The following TRAFD1 variants were observed in gnomAD, a reference collection of about 807,000 sequenced individuals.
The protein encoded by TRAFD1 is TRAF-type zinc finger domain-containing protein 1.
In TRAFD1, 38 loss-of-function variants were observed where a neutral mutation model predicts 65.3. The observed-to-expected ratio is 0.58, with a 90% CI of 0.45 to 0.76. The LOEUF (loss-of-function observed/expected upper bound fraction) is 0.76, where lower values mean the gene tolerates loss of function less well. Among genes scored for constraint, TRAFD1 ranks in the 30% least tolerant of loss-of-function variants. TRAFD1 has a pLI of 0.00. For synonymous variants in TRAFD1, 223 were observed against 257.2 expected (o/e 0.87, Z 1.27); for missense variants, 631 against 712.6 (o/e 0.89, Z 1.30).
rs1417966741 is a variant in TRAFD1, at chr12:112,140,832, C to G, written c.251C>G (p.Pro84Arg). ...TCTGTTTTGTAGGAGACTGAGTGCC[C>G]TTTGCGGCTTGCTGTCTGCCAGCAC... ...LLKKHEETEC[P>R]LRLAVCQHCD... The change falls in exon 5 of 12, where the codon CCT becomes CGT. Residue 84 changes from proline (P) to arginine (R), a missense_variant. Physicochemically the swap from Pro to Arg is moderately radical, Grantham distance 103. Transcript: ENST00000412615. 4.3e-6 allele frequency: 7 copies of G among 1,613,986 alleles called. No individual in the cohort carries two copies. The highest frequency in any genetic ancestry group is 5.9e-6 in the Non-Finnish European group (7 of 1,179,886).
In TRAFD1 at chr12:112,130,111, C is replaced by T. The variant is rs1385244270; in HGVS notation, c.-12-400C>T. 6.6e-6 allele frequency among the ~76,000 whole-genome samples: 1 copy of T among 151,362 alleles called. No individual in the cohort carries two copies. The highest frequency in any genetic ancestry group is 1.5e-5 in the Non-Finnish European group (1 of 67,894). On this transcript the variant is annotated intron_variant, in intron 1 of 11. Coordinates refer to ENST00000412615, the MANE Select transcript of TRAFD1 (RefSeq NM_006700.3). The surrounding 1 kb of genome is among the most constrained non-coding windows in gnomAD (Gnocchi z 4.4). Reference sequence around the variant, plus strand: ...TCGAGTAGCTGGGACTACAGGCACACATCACCATGCCTGGGTAATTTTTTT... The same window carrying T: ...TCGAGTAGCTGGGACTACAGGCACATATCACCATGCCTGGGTAATTTTTTT...
At chr12:112,145,538 A>C (rs747154255) in intron 6 of TRAFD1, 48 bp from the exon 7 acceptor site, 1 of 1,588,288 alleles carries the variant, frequency 6.3e-7, no homozygotes, top group African/African-American at 1.3e-5. Context: ...GTTAAATTCA[A>C]GTTTGTTTTT....
At chr12:112,144,525 C>T (rs2030184402) in intron 6 of TRAFD1, among the ~76,000 whole-genome samples, 1 of 152,186 alleles carries the variant, frequency 6.6e-6, no homozygotes, top group African/African-American at 2.4e-5. Context: ...CCCACCTTGG[C>T]CTCCCAAAGT....
At chr12:112,135,294 A>G (rs1003138609) in intron 4 of TRAFD1, among the ~76,000 whole-genome samples, 1 of 152,176 alleles carries the variant, frequency 6.6e-6, no homozygotes, top group African/African-American at 2.4e-5. Context: ...CTCCCTTTGG[A>G]ACTGAGTCTA....
At position 112,151,821 on chromosome 12, in the gene TRAFD1, C is replaced by T; in HGVS notation, c.1300C>T (p.Leu434=). ...CTCAGGAGACCTGTCTTCTGGTTAC[C>T]TGGATGATACTAAGCAGGAAACAGC... ...RHQGDLSSGY[L]DDTKQETANG... Residue 434 remains leucine, a synonymous_variant, in exon 10 of 12, where the codon CTG becomes TTG. Transcript: ENST00000412615. The T allele has an allele frequency of 6.2e-7, 1 of 1,613,498 alleles. No individual in the cohort carries two copies. Among genetic ancestry groups the T allele is most frequent in the Non-Finnish European group, 8.5e-7 (1 of 1,179,484 alleles).
At chr12:112,126,085 C>T (rs937348533) in intron 1 of TRAFD1, 7 of 152,270 alleles carry the variant, frequency 4.6e-5, no homozygotes, top group African/African-American at 1.4e-4. Flanking sequence ...GCTTTCGTAG[C>T]CTCTAAAGTG....
At chr12:112,145,436 C>A in intron 6 of TRAFD1, 150 bp from the exon 7 acceptor site, 1 of 713,130 alleles carries the variant, frequency 1.4e-6, no homozygotes. Flanking sequence ...GATGGGTTCC[C>A]TCTGAGAATA....
chr12:112,141,940 C>T (rs1335347218), intron 5 of TRAFD1, 149 bp from the exon 6 acceptor site: 2 of 783,216 alleles, frequency 2.6e-6, no homozygotes, highest in African/African-American at 1.7e-5. Context: ...GCTAGGAGAC[C>T]CAGAGGGTGA....
chr12:112,128,623 C>G (rs1469498878), intron 1 of TRAFD1, among the ~76,000 whole-genome samples: 1 of 152,174 alleles, frequency 6.6e-6, no homozygotes, highest in South Asian at 2.1e-4. Context: ...CATGTACCTT[C>G]TGATATAAGG....
At chr12:112,142,473 T>C (rs1352402814) in intron 6 of TRAFD1, among the ~76,000 whole-genome samples, 178 bp downstream of exon 6, 1 of 152,042 alleles carries the variant, frequency 6.6e-6, no homozygotes, top group African/African-American at 2.4e-5. Flanking sequence ...TGGAGTGCAA[T>C]GTAATGATCT....
intron 7 of TRAFD1, among the ~76,000 whole-genome samples, chr12:112,146,225 CAAA>C (rs766339761): frequency 3.0e-5 from 2 of 66,808 alleles, no homozygotes. Flanking sequence ...GAAATAACAG[CAAA>C]AAAAAAAAAA....
rs551901353 is a variant in TRAFD1 at position 112,137,523 on chromosome 12, G to T, written c.237+2457G>T. On this transcript the variant is annotated intron_variant, in intron 4 of 11. Coordinates refer to ENST00000412615, the MANE Select transcript of TRAFD1 (RefSeq NM_006700.3). This position sits in a 1 kb window ranked among gnomAD's most constrained non-coding sequence, Gnocchi z 4.2. ...CACGCCTGTAATCCCAGCACTTTGG[G>T]AGGCTGAGGCGGGCGGATCACGAGG... is the stretch of plus-strand genomic sequence containing the variant. 6.6e-6 allele frequency among the ~76,000 whole-genome samples: 1 copy of T among 152,338 alleles called. No individual in the cohort carries two copies. The highest frequency in any genetic ancestry group is 1.5e-5 in the Non-Finnish European group (1 of 68,030).
chr12:112,136,094 A>G (rs1276987439), intron 4 of TRAFD1, among the ~76,000 whole-genome samples: 1 of 150,116 alleles, frequency 6.7e-6, no homozygotes, highest in African/African-American at 2.5e-5. Context: ...GCGCCACTGC[A>G]CTCCAGCCTG....
Position 112,152,109 on chromosome 12 carries a change from T to A in TRAFD1, c.1588T>A (p.Ser530Thr). The change falls in exon 10 of 12, where the codon TCC (serine) becomes ACC (threonine). Residue 530 changes from serine to threonine, a missense_variant. By Grantham distance (58) the Ser-to-Thr change is moderately conservative. Coordinates refer to ENST00000412615, the MANE Select transcript of TRAFD1 (RefSeq NM_006700.3). This position sits in a 1 kb window ranked among gnomAD's most constrained non-coding sequence, Gnocchi z 5.0. ...LYPENIVPSF[S>T]PGPSGRYGAS... ...CCCAGAAAACATTGTGCCCTCTTTCTCCCCTGGGCCTTCAGGGAGATACGG... is the reference window on the plus strand; with the variant it reads ...CCCAGAAAACATTGTGCCCTCTTTCACCCCTGGGCCTTCAGGGAGATACGG... 1.2e-6 allele frequency: 2 copies of A among 1,613,462 alleles called. No individual in the cohort carries two copies. The highest frequency in any genetic ancestry group is 1.7e-6 in the Non-Finnish European group (2 of 1,179,522).
intron 5 of TRAFD1, 60 bp from the exon 6 acceptor site, chr12:112,142,029 G>T: frequency 6.3e-7 from 1 of 1,575,480 alleles, no homozygotes; most frequent in East Asian, 2.3e-5. Flanking sequence ...GCATGGACTT[G>T]AGTTGAGGGT....
Position 112,145,594 on chromosome 12 carries a change from G to A in TRAFD1, c.859G>A (p.Asp287Asn). The change falls in exon 7 of 12, where the codon GAC becomes AAC. Residue 287 changes from aspartate (D) to asparagine (N), a missense_variant. Physicochemically the swap from Asp to Asn is conservative, Grantham distance 23. Coordinates refer to ENST00000412615, the MANE Select transcript of TRAFD1 (RefSeq NM_006700.3). ...RSLSDIKGAA[D>N]EIMLPCEFCE... is the part of the protein sequence containing the mutation. Reference sequence around the variant, plus strand: ...TGTGGCCTAATACCTAGGTGCAGCTGACGAGATCATGTTGCCTTGTGAATT... The same window carrying A: ...TGTGGCCTAATACCTAGGTGCAGCTAACGAGATCATGTTGCCTTGTGAATT... The A allele has an allele frequency of 1.2e-6, 2 of 1,614,120 alleles. No homozygotes were observed. The highest frequency in any genetic ancestry group is 1.7e-5 in the Admixed American group (1 of 60,026).
chr12:112,135,445 G>GT (rs2079593541), intron 4 of TRAFD1, among the ~76,000 whole-genome samples: 1 of 152,050 alleles, frequency 6.6e-6, no homozygotes, highest in Non-Finnish European at 1.5e-5. Context: ...TTGTTTGTTT[G>GT]TTTTTTGAGA....
chr12:112,134,798 T>G lies in TRAFD1; in HGVS notation c.108T>G (p.Ile36Met), dbSNP rs1361456289. The G allele has an allele frequency of 7.4e-6, 12 of 1,613,770 alleles. No homozygotes were observed. The highest frequency in any genetic ancestry group is 1.0e-5 in the Non-Finnish European group (12 of 1,179,632). ...ATGAGATCCACTGTCAAAGGAACAT[T>G]GGTATGTGTCCTACCTGTAAGGAAC... The part of the protein sequence containing the change: ...TIHEIHCQRN[I>M]GMCPTCKEPF... The change falls in exon 3 of 12, where the codon ATT (isoleucine) becomes ATG (methionine). Residue 36 changes from isoleucine to methionine, a missense_variant. By Grantham distance (10) the Ile-to-Met change is conservative. Transcript: ENST00000412615.
intron 7 of TRAFD1, among the ~76,000 whole-genome samples, chr12:112,146,364 CA>C (rs202214474): frequency 1.1e-4 from 16 of 148,382 alleles, no homozygotes; most frequent in Admixed American, 2.7e-4. Context: ...CCAGCTCTAC[CA>C]AAAAAAAAGG....
Sources: gnomAD v4.1 joint callset for allele counts (sites outside exome capture counted in the v4.1 genomes callset) on GRCh38, gnomAD v4.1.1 for gene constraint, Gnocchi (gnomAD v3.1) non-coding constraint, MANE v1.5 for transcripts, NCBI Gene and HGNC (gene_info 2026-07-23, HGNC 2026-07-21) for gene names.